The following DYRK1A variants were observed in gnomAD, a reference collection of about 807,000 sequenced individuals.
The protein encoded by DYRK1A is dual specificity tyrosine phosphorylation regulated kinase 1A.
In DYRK1A, 9 loss-of-function variants were observed where a neutral mutation model predicts 79.7. The ratio of observed to expected loss-of-function variants is 0.11; its 90% confidence interval spans 0.07 to 0.20. The LOEUF is 0.20. Ranked by LOEUF, DYRK1A falls within the 10% of genes least tolerant of loss-of-function variation. The pLI is 1.00. For synonymous variants in DYRK1A, 349 were observed against 329.7 expected (o/e 1.06, Z -0.63); for missense variants, 622 against 956.0 (o/e 0.65, Z 4.61).
intron 1 of DYRK1A, among the ~76,000 whole-genome samples, chr21:37,370,027 T>C (rs2049399341): frequency 6.6e-6 from 1 of 152,206 alleles, no homozygotes; most frequent in Non-Finnish European, 1.5e-5. Flanking sequence ...CTCCAAAATA[T>C]TGTCTGATGT....
chr21:37,387,223 T>A (rs2049777811), intron 1 of DYRK1A, among the ~76,000 whole-genome samples: 1 of 152,250 alleles, frequency 6.6e-6, no homozygotes, highest in Admixed American at 6.5e-5. Flanking sequence ...TTGATTTTAT[T>A]TAAGGTCGAT....
chr21:37,413,331 G>A (rs1025461953), intron 1 of DYRK1A, among the ~76,000 whole-genome samples: 12 of 152,156 alleles, frequency 7.9e-5, no homozygotes, highest in African/African-American at 4.8e-5. Flanking sequence ...AATTACATAC[G>A]TATAAAAGTA....
chr21:37,488,517 T>C, intron 6 of DYRK1A: 2 of 920,542 alleles, frequency 2.2e-6, no homozygotes, highest in Non-Finnish European at 2.6e-6. Context: ...GTACCTGCCA[T>C]GGTCTAGTTA....
chr21:37,395,813 C>G (rs556371705), intron 1 of DYRK1A, among the ~76,000 whole-genome samples: 23 of 152,132 alleles, frequency 1.5e-4, no homozygotes, highest in South Asian at 6.2e-4. Context: ...ATTTTGCATC[C>G]AAGTCAATTG....
chr21:37,391,214 T>C (rs917882768), intron 1 of DYRK1A, among the ~76,000 whole-genome samples: 2 of 152,218 alleles, frequency 1.3e-5, no homozygotes, highest in Non-Finnish European at 2.9e-5. Context: ...GTGTGGGCGC[T>C]CCTCGGCTTT....
intron 1 of DYRK1A, among the ~76,000 whole-genome samples, chr21:37,403,225 A>AT (rs1287019446): frequency 6.7e-6 from 1 of 149,366 alleles, no homozygotes; most frequent in Non-Finnish European, 1.5e-5. Context: ...TATAATTTTT[A>AT]TTTTTCTGCT....
chr21:37,474,460 C>T (rs1466019121), intron 3 of DYRK1A, among the ~76,000 whole-genome samples: 1 of 152,090 alleles, frequency 6.6e-6, no homozygotes, highest in Admixed American at 6.5e-5. Context: ...AATTTCTGGG[C>T]CTAATAAGGG....
chr21:37,489,647 G>C (rs1481974074), intron 6 of DYRK1A, among the ~76,000 whole-genome samples: 1 of 143,376 alleles, frequency 7.0e-6, no homozygotes. Flanking sequence ...AAAAAAAAAG[G>C]CTATCAATGA....
chr21:37,377,616 A>G (rs73216404), intron 1 of DYRK1A, among the ~76,000 whole-genome samples: 11,485 of 152,050 alleles, frequency 0.076, 651 homozygotes, highest in Non-Finnish European at 0.11. Context: ...TTATAGGTGT[A>G]CACCACCACA....
At chr21:37,435,930 T>A (rs984736954) in intron 2 of DYRK1A, among the ~76,000 whole-genome samples, 1 of 152,228 alleles carries the variant, frequency 6.6e-6, no homozygotes, top group Non-Finnish European at 1.5e-5. Flanking sequence ...AACTGTTGCT[T>A]GTACCGTTAT....
At chr21:37,388,069 T>C (rs2049795346) in intron 1 of DYRK1A, among the ~76,000 whole-genome samples, 7 of 149,968 alleles carry the variant, frequency 4.7e-5, no homozygotes, top group Admixed American at 4.6e-4. Context: ...CTTATAAATT[T>C]CTGTGTTTTT....
chr21:37,418,740 T>A (rs1438606501), intron 1 of DYRK1A, among the ~76,000 whole-genome samples: 4 of 152,206 alleles, frequency 2.6e-5, no homozygotes, highest in Non-Finnish European at 2.9e-5. Flanking sequence ...GATGCAGCAC[T>A]CTAGTGTTCA....
intron 7 of DYRK1A, among the ~76,000 whole-genome samples, chr21:37,491,769 G>A (rs774310213): frequency 1.4e-4 from 21 of 152,156 alleles, no homozygotes; most frequent in Admixed American, 2.0e-4. Flanking sequence ...AGATTATAGA[G>A]TTGGGAAAAT....
chr21:37,510,609 T>G (rs2053721257), intron 11 of DYRK1A, among the ~76,000 whole-genome samples: 2 of 152,222 alleles, frequency 1.3e-5, no homozygotes, highest in Admixed American at 1.3e-4. Context: ...CCCCAAAATA[T>G]GGTAGCTTAA....
chr21:37,525,731 T>C lies in DYRK1A; in HGVS notation c.*13200T>C, dbSNP rs530315147. 6.6e-6 allele frequency: 1 copy of C among 152,394 alleles called. No individual in the cohort carries two copies. Among genetic ancestry groups the C allele is most frequent in the African/African-American group, 2.4e-5 (1 of 41,596 alleles). The allele number at this position is 152,394 out of a possible 1,614,324, so 9.4% of individuals were successfully genotyped here. A position where few individuals can be genotyped will look rare whatever the true frequency, so the allele number is the denominator to read the frequency against. ...AATAGTGAACTTCCTTTAGCTCTTG[T>C]GGACTTCACTATCAACAGCTCTCAT... is the stretch of plus-strand genomic sequence containing the variant. On this transcript the variant is annotated 3_prime_UTR_variant, in exon 12 of 12. Coordinates refer to ENST00000647188, the MANE Select transcript of DYRK1A (RefSeq NM_001347721.2).
intron 3 of DYRK1A, among the ~76,000 whole-genome samples, chr21:37,473,475 A>C (rs1372753285): frequency 1.3e-5 from 2 of 152,122 alleles, no homozygotes; most frequent in Admixed American, 6.5e-5. Flanking sequence ...TATTTTTAAT[A>C]TCTTTCTAAA....
Position 37,505,345 on chromosome 21 carries a change from T to C in DYRK1A, c.1275T>C (p.Pro425=). The C allele has an allele frequency of 6.2e-7, 1 of 1,614,046 alleles. No individual in the cohort carries two copies. The highest frequency in any genetic ancestry group is 1.3e-5 in the African/African-American group (1 of 74,996). Residue 425 remains proline (P), a synonymous_variant, in exon 10 of 12, where the codon CCT becomes CCC. Transcript: ENST00000647188. ...TTCTTGGAGTGGAAACAGGAGGACC[T>C]GGTGGGCGACGTGCTGGGGAGTCAG... ...HNILGVETGG[P]GGRRAGESGH... is the part of the protein sequence containing the mutation.
chr21:37,417,436 C>A (rs144926105), intron 1 of DYRK1A, among the ~76,000 whole-genome samples: 1 of 151,718 alleles, frequency 6.6e-6, no homozygotes, highest in African/African-American at 2.4e-5. Context: ...TCAGGTGATA[C>A]GCCCACCTCG....
chr21:37,504,680 AC>A (rs1431031616), intron 9 of DYRK1A: 5 of 152,296 alleles, frequency 3.3e-5, no homozygotes, highest in Non-Finnish European at 7.3e-5. Flanking sequence ...GTTTATTATT[AC>A]ATAGATTTTC....
Sources: allele counts gnomAD v4.1 joint callset (sites outside exome capture counted in the v4.1 genomes callset), GRCh38; gene constraint gnomAD v4.1.1; transcripts MANE v1.5; gene names NCBI Gene and HGNC (gene_info 2026-07-23, HGNC 2026-07-21).